The following NRG3 variants were observed in gnomAD, a reference collection of about 807,000 sequenced individuals.
The protein encoded by NRG3 is neuregulin 3.
NRG3 carries 31 observed loss-of-function variants against 66.9 expected under a neutral mutation model. The observed-to-expected ratio is 0.46, with a 90% CI of 0.35 to 0.63. NRG3 has a LOEUF of 0.63. Ranked by LOEUF, NRG3 falls within the 20% of genes least tolerant of loss-of-function variation. The pLI is 0.00. For synonymous variants in NRG3, 393 were observed against 359.4 expected (o/e 1.09, Z -1.06); for missense variants, 910 against 878.9 (o/e 1.04, Z -0.45).
chr10:82,371,163 G>A (rs1374815451), intron 2 of NRG3, among the ~76,000 whole-genome samples: 8 of 152,140 alleles, frequency 5.3e-5, no homozygotes, highest in Non-Finnish European at 1.2e-4. Context: ...ATACTGGGCA[G>A]TGAAGCTCAT....
At chr10:82,192,773 G>A (rs1400122366) in intron 1 of NRG3, among the ~76,000 whole-genome samples, 2 of 152,176 alleles carry the variant, frequency 1.3e-5, no homozygotes, top group East Asian at 3.8e-4. Context: ...AAAATGCAGA[G>A]ACTACATAAA....
rs1230571047 is a variant in NRG3 at position 82,358,757 on chromosome 10, C to T, written c.842C>T (p.Thr281Ile). 3.1e-6 allele frequency: 5 copies of T among 1,614,186 alleles called. No homozygotes were observed. Among genetic ancestry groups the T allele is most frequent in the African/African-American group, 1.3e-5 (1 of 75,056 alleles). ...CTGACAGATACGACGACATATTCCA[C>T]AGAGCGATCCGAGCACTTCAAACCC... ...SPKFHTTTYS[T>I]ERSEHFKPCR... is the part of the protein sequence containing the mutation. The change falls in exon 2 of 9, where the codon ACA (threonine) becomes ATA (isoleucine). Residue 281 changes from threonine to isoleucine, a missense_variant. Coordinates refer to ENST00000372141, the MANE Select transcript of NRG3 (RefSeq NM_001010848.4).
At chr10:82,960,984 C>T (rs186315302) in intron 6 of NRG3, among the ~76,000 whole-genome samples, 41 of 152,282 alleles carry the variant, frequency 2.7e-4, no homozygotes, top group Admixed American at 6.5e-4. Flanking sequence ...GTTTGGTGGT[C>T]TCTTCACACA....
intron 2 of NRG3, among the ~76,000 whole-genome samples, chr10:82,661,251 C>T (rs1456362427): frequency 1.3e-5 from 2 of 152,100 alleles, no homozygotes; most frequent in African/African-American, 2.4e-5. Context: ...CTCAAGTCCT[C>T]TCTCATGGAG....
intron 2 of NRG3, among the ~76,000 whole-genome samples, chr10:82,713,738 A>G (rs967440696): frequency 6.6e-6 from 1 of 152,220 alleles, no homozygotes; most frequent in Non-Finnish European, 1.5e-5. Flanking sequence ...AAAAACATAA[A>G]TTGTATTTTG....
chr10:82,445,785 C>T (rs1217446974), intron 2 of NRG3, among the ~76,000 whole-genome samples: 1 of 152,158 alleles, frequency 6.6e-6, no homozygotes, highest in Non-Finnish European at 1.5e-5. Flanking sequence ...TTGGGTCTTT[C>T]TATTTCATTC....
chr10:82,525,498 A>G (rs1002273661), intron 2 of NRG3, among the ~76,000 whole-genome samples: 1 of 151,952 alleles, frequency 6.6e-6, no homozygotes, highest in Non-Finnish European at 1.5e-5. Flanking sequence ...TTCACAAACT[A>G]TGAATTTATG....
At chr10:82,621,741 C>A (rs955342243) in intron 2 of NRG3, among the ~76,000 whole-genome samples, 1 of 152,156 alleles carries the variant, frequency 6.6e-6, no homozygotes, top group Non-Finnish European at 1.5e-5. Flanking sequence ...ACTTAATTCC[C>A]AAGGTCAGGC....
chr10:82,428,328 T>C (rs932012042), intron 2 of NRG3, among the ~76,000 whole-genome samples: 2 of 151,888 alleles, frequency 1.3e-5, no homozygotes, highest in Non-Finnish European at 2.9e-5. Context: ...TTTGTGCCTA[T>C]TAATACTTTA....
chr10:82,443,543 C>A lies in NRG3; in HGVS notation c.953+84675C>A, dbSNP rs184176553. Among the ~76,000 whole-genome samples the A allele has an allele frequency of 5.3e-5, 8 of 152,170 alleles. No homozygotes were observed. The East Asian group carries it at 1.5e-3, about 29-fold the overall frequency. On this transcript the variant is annotated intron_variant, in intron 2 of 8. Transcript: ENST00000372141. ...TTACAACCATTTTTTTCATATGGGA[C>A]AACCAAGACTTCAAGAACTCTAGTA... is the stretch of plus-strand genomic sequence containing the variant.
intron 1 of NRG3, among the ~76,000 whole-genome samples, chr10:82,189,529 C>T (rs908661179): frequency 2.0e-5 from 3 of 152,070 alleles, no homozygotes; most frequent in Non-Finnish European, 4.4e-5. Flanking sequence ...TGATGGCTCA[C>T]ACCTGTAATC....
At chr10:82,387,239 G>T (rs1589945011) in intron 2 of NRG3, among the ~76,000 whole-genome samples, 1 of 151,370 alleles carries the variant, frequency 6.6e-6, no homozygotes, top group Non-Finnish European at 1.5e-5. Flanking sequence ...ATATTGGCTT[G>T]TTTTAACTCC....
intron 1 of NRG3, among the ~76,000 whole-genome samples, chr10:82,040,884 C>G (rs1301442992): frequency 2.0e-5 from 3 of 152,072 alleles, no homozygotes; most frequent in African/African-American, 7.2e-5. Flanking sequence ...AATTGTTCTT[C>G]TAAAAGCCTT....
intron 1 of NRG3, among the ~76,000 whole-genome samples, chr10:81,959,729 C>T (rs1256474743): frequency 1.3e-5 from 2 of 151,770 alleles, no homozygotes; most frequent in African/African-American, 4.8e-5. Context: ...TAGGTTGTGT[C>T]TTGCTTAGGG....
At chr10:82,679,547 T>C (rs1174434878) in intron 2 of NRG3, among the ~76,000 whole-genome samples, 1 of 152,204 alleles carries the variant, frequency 6.6e-6, no homozygotes, top group African/African-American at 2.4e-5. Flanking sequence ...ACTGGCTGCA[T>C]AATTAGTGAG....
intron 1 of NRG3, among the ~76,000 whole-genome samples, chr10:82,151,659 T>G (rs906690058): frequency 1.3e-5 from 2 of 152,334 alleles, no homozygotes; most frequent in East Asian, 3.9e-4. Context: ...CTTTATTCTC[T>G]CTGGTCTTGA....
intron 2 of NRG3, among the ~76,000 whole-genome samples, chr10:82,487,437 C>T (rs1842773825): frequency 1.3e-5 from 2 of 152,164 alleles, no homozygotes; most frequent in South Asian, 2.1e-4. Flanking sequence ...TAACACTATT[C>T]TGTGAACCAC....
intron 4 of NRG3, among the ~76,000 whole-genome samples, chr10:82,869,561 TTTTTTATTTA>T (rs1317423293): frequency 1.7e-5 from 2 of 119,986 alleles, no homozygotes; most frequent in East Asian, 4.6e-4. Context: ...ACCACTGGTC[TTTTTTATTTA>T]TTTTATTTTA....
intron 2 of NRG3, among the ~76,000 whole-genome samples, chr10:82,504,708 TCAC>T (rs1202757632): frequency 1.3e-5 from 2 of 152,180 alleles, no homozygotes; most frequent in Non-Finnish European, 2.9e-5. Flanking sequence ...GTAAGCGCCA[TCAC>T]GTTTGGGATA....
Sources: gnomAD v4.1 joint callset for allele counts (sites outside exome capture counted in the v4.1 genomes callset) on GRCh38, gnomAD v4.1.1 for gene constraint, MANE v1.5 for transcripts, NCBI Gene and HGNC (gene_info 2026-07-23, HGNC 2026-07-21) for gene names.